The following SLC12A7 variants were observed in gnomAD, a reference collection of about 807,000 sequenced individuals.
SLC12A7 encodes K-Cl cotransporter 4.
Under a neutral mutation model 120.6 loss-of-function variants are expected in SLC12A7, and 100 were observed. That is an observed-to-expected ratio of 0.83 (90% CI 0.71 to 0.98). The LOEUF (loss-of-function observed/expected upper bound fraction) is 0.98, where lower values mean the gene tolerates loss of function less well. Among genes scored for constraint, SLC12A7 ranks in the 50% least tolerant of loss-of-function variants. The pLI is 0.00. For synonymous variants in SLC12A7, 760 were observed against 678.0 expected (o/e 1.12, Z -1.88); for missense variants, 1,373 against 1,548.1 (o/e 0.89, Z 1.90).
Position 1,111,863 on chromosome 5 carries a change from C to G in SLC12A7, c.124+5G>C, listed in dbSNP as rs1231783560. ...CTTTGTCCGGCCAGGTGCGGCCGCG[C>G]TCACCCGGGCTGGGGCGCTCGGGCT... On this transcript the variant is annotated splice_donor_5th_base_variant and intron_variant, in intron 1 of 23. Coordinates refer to ENST00000264930, the MANE Select transcript of SLC12A7 (RefSeq NM_006598.3). The G allele has an allele frequency of 8.3e-7, 1 of 1,209,144 alleles. No homozygotes were observed. The highest frequency in any genetic ancestry group is 1.0e-6 in the Non-Finnish European group (1 of 973,030). 74.9% of individuals were successfully genotyped at this position (1,209,144 alleles called of 1,614,324 possible).
intron 8 of SLC12A7, among the ~76,000 whole-genome samples, chr5:1,081,980 A>G (rs1739175631): frequency 6.6e-6 from 1 of 151,544 alleles, no homozygotes; most frequent in African/African-American, 2.4e-5. Context: ...TGTGGGGAAC[A>G]ACATACTCCT....
At position 1,078,868 on chromosome 5, in the gene SLC12A7, G is replaced by T. The variant is rs142459657; in HGVS notation, c.1397-110C>A. On this transcript the variant is annotated intron_variant, in intron 10 of 23. Coordinates refer to ENST00000264930, the MANE Select transcript of SLC12A7 (RefSeq NM_006598.3). Reference sequence around the variant, plus strand: ...GGGGAGATGCACTGGCCAGCGGGCCGCAGGATCCAGGTGGGCGGGGACCGT... The same window carrying T: ...GGGGAGATGCACTGGCCAGCGGGCCTCAGGATCCAGGTGGGCGGGGACCGT... 6.7e-6 allele frequency: 5 copies of T among 742,268 alleles called. No individual in the cohort carries two copies. In the Middle Eastern group the frequency reaches 1.1e-3, roughly 166 times the overall value. 46.0% of individuals were successfully genotyped at this position (742,268 alleles called of 1,614,324 possible).
At chr5:1,079,820 G>A (rs1738803902) in intron 9 of SLC12A7, among the ~76,000 whole-genome samples, 2 of 152,226 alleles carry the variant, frequency 1.3e-5, no homozygotes, top group South Asian at 4.2e-4. Flanking sequence ...TCAGCCCAGA[G>A]ACGGTGCTGA....
At chr5:1,135,340 C>T in the SLC12A7 span, among the ~76,000 whole-genome samples, 3 of 151,924 alleles carry the variant, frequency 2.0e-5, no homozygotes, top group Non-Finnish European at 2.9e-5. Context: ...GTCAACCACA[C>T]ACAACCACCA....
chr5:1,055,038 G>A (rs1009824807), intron 22 of SLC12A7, among the ~76,000 whole-genome samples: 12 of 152,186 alleles, frequency 7.9e-5, no homozygotes, highest in African/African-American at 2.9e-4. Context: ...GGGGTGAGGC[G>A]GAGACCTGGC....
chr5:1,112,057 C>G lies in SLC12A7; in HGVS notation c.-66G>C. The G allele has an allele frequency of 8.3e-7, 1 of 1,205,670 alleles. No homozygotes were observed. The highest frequency in any genetic ancestry group is 1.0e-6 in the Non-Finnish European group (1 of 970,302). The allele number at this position is 1,205,670 out of a possible 1,614,324, so 74.7% of individuals were successfully genotyped here. A position where few individuals can be genotyped will look rare whatever the true frequency, so the allele number is the denominator to read the frequency against. Reference sequence around the variant, plus strand: ...CGCTGCGCCGCTCCCGCCGACGCCACGGGACTTGGAGGCAGGGGCGGGGTC... The same window carrying G: ...CGCTGCGCCGCTCCCGCCGACGCCAGGGGACTTGGAGGCAGGGGCGGGGTC... On this transcript the variant is annotated 5_prime_UTR_variant, in exon 1 of 24. Coordinates refer to ENST00000264930, the MANE Select transcript of SLC12A7 (RefSeq NM_006598.3).
At chr5:1,150,749 C>A in the SLC12A7 span, among the ~76,000 whole-genome samples, 3 of 152,250 alleles carry the variant, frequency 2.0e-5, no homozygotes, top group Non-Finnish European at 4.4e-5. Flanking sequence ...CATGGATGAA[C>A]ACGACGGCCG....
chr5:1,138,460 G>A, the SLC12A7 span, among the ~76,000 whole-genome samples: 1 of 152,284 alleles, frequency 6.6e-6, no homozygotes, highest in African/African-American at 2.4e-5. Context: ...CCTTTAGCTA[G>A]ACAGAAAAGT....
chr5:1,083,991 C>G, intron 7 of SLC12A7, 35 bp from the exon 8 acceptor site: 1 of 1,581,778 alleles, frequency 6.3e-7, no homozygotes, highest in Non-Finnish European at 8.6e-7. Flanking sequence ...ACGTGTGCTG[C>G]CACCGAAGTG....
At chr5:1,080,745 G>A (rs1738966952) in intron 9 of SLC12A7, among the ~76,000 whole-genome samples, 1 of 152,230 alleles carries the variant, frequency 6.6e-6, no homozygotes, top group Non-Finnish European at 1.5e-5. Flanking sequence ...CACTGTTTGA[G>A]GAGGACACAG....
chr5:1,094,788 G>A (rs964954628), intron 1 of SLC12A7, among the ~76,000 whole-genome samples: 2 of 152,176 alleles, frequency 1.3e-5, no homozygotes, highest in African/African-American at 2.4e-5. Context: ...TGTTGAGGAC[G>A]CCGCCCACAG....
intron 22 of SLC12A7, chr5:1,057,245 A>G: frequency 1.9e-6 from 1 of 517,344 alleles, no homozygotes; most frequent in Admixed American, 3.6e-5. Flanking sequence ...CCTTGGCACT[A>G]GAAGGATCCC....
At chr5:1,064,902 G>A (rs534122964) in intron 18 of SLC12A7, among the ~76,000 whole-genome samples, 19 of 145,050 alleles carry the variant, frequency 1.3e-4, no homozygotes, top group African/African-American at 3.7e-4. Context: ...TGAGGGGACC[G>A]CGAGGGGACG....
At chr5:1,093,323 C>T (rs942667776) in intron 3 of SLC12A7, among the ~76,000 whole-genome samples, 32 of 152,320 alleles carry the variant, frequency 2.1e-4, no homozygotes, top group African/African-American at 4.6e-4. Context: ...GGGGGTGTCA[C>T]GCTTCCCCGG....
chr5:1,123,725 C>T, the SLC12A7 span, among the ~76,000 whole-genome samples: 2 of 152,224 alleles, frequency 1.3e-5, no homozygotes. Context: ...GGATCGGGGC[C>T]TCCATCAAAC....
chr5:1,088,342 A>C lies in SLC12A7; in HGVS notation c.508T>G (p.Ser170Ala). The C allele has an allele frequency of 6.3e-7, 1 of 1,587,430 alleles. No individual in the cohort carries two copies. ...CCTCTMLTAI[S>A]MSAIATNGVV... ...CCGTTGGTAGCGATCGCACTCATGG[A>C]AATGGCGGTCAGCATTGTCTGCAAA... The change falls in exon 5 of 24, where the codon TCC becomes GCC. Residue 170 changes from serine to alanine, a missense_variant. Physicochemically the swap from Ser to Ala is moderately conservative, Grantham distance 99 (BLOSUM62 1). Transcript: ENST00000264930.
At chr5:1,088,933 A>G (rs1318543103) in intron 4 of SLC12A7, 49 bp downstream of exon 4, 2 of 1,607,780 alleles carry the variant, frequency 1.2e-6, no homozygotes, top group South Asian at 2.2e-5. Flanking sequence ...CCTACTGTCC[A>G]GCTGCCACCG....
intron 7 of SLC12A7, 57 bp downstream of exon 7, chr5:1,085,175 C>A: frequency 1.3e-6 from 2 of 1,588,702 alleles, no homozygotes; most frequent in East Asian, 2.3e-5. Flanking sequence ...GGGCAGAGCC[C>A]ATGGGACCTG....
the SLC12A7 span, among the ~76,000 whole-genome samples, chr5:1,150,017 C>T: frequency 9.2e-5 from 14 of 152,014 alleles, no homozygotes; most frequent in Non-Finnish European, 1.2e-4. Flanking sequence ...GCAACGAGAG[C>T]GAAACTCCAC....
Sources: allele counts gnomAD v4.1 joint callset (sites outside exome capture counted in the v4.1 genomes callset), GRCh38; gene constraint gnomAD v4.1.1; transcripts MANE v1.5; gene names NCBI Gene and HGNC (gene_info 2026-07-23, HGNC 2026-07-21).